Variants in GPR89B observed in about 807,000 individuals in gnomAD.
The protein encoded by GPR89B is golgi pH regulator B.
In GPR89B, 25 loss-of-function variants were observed where a neutral mutation model predicts 52.4. The ratio of observed to expected loss-of-function variants is 0.48; its 90% confidence interval spans 0.35 to 0.67. The LOEUF is 0.67. GPR89B is among the 30% of genes least tolerant of loss of function. The pLI is 0.01. For missense variants in GPR89B, 146 were observed against 450.2 expected, an observed-to-expected ratio of 0.32 and a Z score of 6.11; for synonymous variants, 52 against 151.2, an observed-to-expected ratio of 0.34 and a Z score of 4.81.
intron 9 of GPR89B, chr1:147,969,248 G>A: frequency 2.4e-6 from 1 of 421,196 alleles, no homozygotes; most frequent in Non-Finnish European, 4.2e-6. Flanking sequence ...ACTAACCTGG[G>A]ATAAAGATGG....
chr1:147,949,393 A>AC (rs587770505), intron 5 of GPR89B, among the ~76,000 whole-genome samples: 31 of 114,110 alleles, frequency 2.7e-4, no homozygotes, highest in East Asian at 5.3e-4. Context: ...CGGGGGGCTG[A>AC]CCCCCCCACC....
intron 2 of GPR89B, 30 bp downstream of exon 2, chr1:147,936,716 A>C: frequency 1.9e-6 from 3 of 1,584,204 alleles, no homozygotes; most frequent in Non-Finnish European, 2.6e-6. Context: ...TCATACTTAC[A>C]CTATATGAAT....
At chr1:147,989,351 T>C (rs1427614776) in intron 12 of GPR89B, among the ~76,000 whole-genome samples, 1 of 152,138 alleles carries the variant, frequency 6.6e-6, no homozygotes, top group Non-Finnish European at 1.5e-5. Flanking sequence ...TTGTTATACA[T>C]CATTTCACTT....
chr1:147,950,750 G>A (rs1655606440), intron 5 of GPR89B, among the ~76,000 whole-genome samples: 1 of 152,138 alleles, frequency 6.6e-6, no homozygotes, highest in Admixed American at 6.5e-5. Flanking sequence ...GGCCAACACA[G>A]TGAAACCCCG....
intron 10 of GPR89B, among the ~76,000 whole-genome samples, chr1:147,984,017 G>A (rs2149090962): frequency 6.6e-6 from 1 of 150,976 alleles, no homozygotes; most frequent in East Asian, 2.0e-4. Flanking sequence ...ATGAGTTCAT[G>A]TCCTTTGTAG....
At chr1:147,959,708 A>G (rs1173349874) in intron 7 of GPR89B, among the ~76,000 whole-genome samples, 4 of 152,174 alleles carry the variant, frequency 2.6e-5, no homozygotes, top group Non-Finnish European at 5.9e-5. Context: ...TCATCATTAA[A>G]TAATGTATTT....
chr1:147,993,518 AAG>A lies in GPR89B; in HGVS notation c.*607_*608del, dbSNP rs1282207345. 1 of 169,078 alleles carries A rather than the reference AAG, an allele frequency of 5.9e-6. No individual in the cohort carries two copies. Among genetic ancestry groups the A allele is most frequent in the Non-Finnish European group, 1.3e-5 (1 of 77,200 alleles). 10.5% of individuals were successfully genotyped at this position (169,078 alleles called of 1,614,324 possible). A position where few individuals can be genotyped will look rare whatever the true frequency, so the allele number is the denominator to read the frequency against. On this transcript the variant is annotated 3_prime_UTR_variant, in exon 14 of 14. Transcript: ENST00000314163. ...ATGCACCTGAAATAGATTTTACCAA[AAG>A]AGAGATTTCAGTTATGTCATTTTTT...
downstream of GPR89B, chr1:147,994,141 A>G (rs1469027997): frequency 9.3e-5 from 95 of 1,020,668 alleles, no homozygotes; most frequent in African/African-American, 1.4e-3. Context: ...TGTAAGACAA[A>G]TGATAACAGA....
chr1:148,021,480 T>C, the GPR89B span, among the ~76,000 whole-genome samples: 16 of 150,984 alleles, frequency 1.1e-4, no homozygotes, highest in African/African-American at 3.9e-4. Flanking sequence ...CCAGCCTGGG[T>C]GACAGAGCGA....
the GPR89B span, among the ~76,000 whole-genome samples, chr1:148,019,096 C>T: frequency 6.6e-6 from 1 of 151,688 alleles, no homozygotes; most frequent in African/African-American, 2.4e-5. Flanking sequence ...TCTGCCTCAG[C>T]CTCCCGAGTA....
chr1:147,940,545 A>G (rs1158458319), intron 3 of GPR89B, among the ~76,000 whole-genome samples: 2 of 152,176 alleles, frequency 1.3e-5, no homozygotes, highest in African/African-American at 4.8e-5. Flanking sequence ...TTTCACTGCT[A>G]TTTAAGCAGG....
chr1:147,966,213 T>C (rs1657028550), intron 7 of GPR89B, among the ~76,000 whole-genome samples: 1 of 152,042 alleles, frequency 6.6e-6, no homozygotes, highest in Non-Finnish European at 1.5e-5. Context: ...GTATAGCGCC[T>C]TGTAGTTGAC....
At chr1:148,005,704 C>T in the GPR89B span, among the ~76,000 whole-genome samples, 3 of 152,136 alleles carry the variant, frequency 2.0e-5, no homozygotes, top group South Asian at 6.2e-4. Context: ...TGCACTATAG[C>T]ATTCTTGGCT....
the GPR89B span, among the ~76,000 whole-genome samples, chr1:148,016,995 G>GGC: frequency 1.4e-5 from 2 of 144,866 alleles, no homozygotes. Flanking sequence ...TTTTGGTTTT[G>GGC]TCTTGCTTGC....
At chr1:147,939,519 G>T (rs1412360811) in intron 3 of GPR89B, among the ~76,000 whole-genome samples, 2 of 152,136 alleles carry the variant, frequency 1.3e-5, no homozygotes, top group Non-Finnish European at 2.9e-5. Context: ...TAGGAGTAAA[G>T]CAGTCTTTCA....
At chr1:147,940,133 G>C (rs1430583540) in intron 3 of GPR89B, among the ~76,000 whole-genome samples, 1 of 151,990 alleles carries the variant, frequency 6.6e-6, no homozygotes, top group East Asian at 1.9e-4. Context: ...GCCGGGCGCG[G>C]TGGCTCACGC....
the GPR89B span, among the ~76,000 whole-genome samples, chr1:148,019,045 C>T: frequency 1.9e-4 from 29 of 151,604 alleles, no homozygotes; most frequent in Non-Finnish European, 3.7e-4. Context: ...GGCCAGATCT[C>T]GGCTCACTGC....
chr1:147,998,386 C>T (rs1194744484), downstream of GPR89B, among the ~76,000 whole-genome samples: 4 of 142,920 alleles, frequency 2.8e-5, no homozygotes, highest in Admixed American at 2.9e-4. Flanking sequence ...CTCCTAGTTA[C>T]CCAGTTCAAC....
intron 12 of GPR89B, among the ~76,000 whole-genome samples, chr1:147,991,727 C>A (rs1340740623): frequency 3.9e-5 from 6 of 152,098 alleles, no homozygotes; most frequent in Non-Finnish European, 7.4e-5. Flanking sequence ...GTCTTTGGTT[C>A]TGTTTATATG....
Sources: gnomAD v4.1 joint callset for allele counts (sites outside exome capture counted in the v4.1 genomes callset) on GRCh38, gnomAD v4.1.1 for gene constraint, MANE v1.5 for transcripts, NCBI Gene and HGNC (gene_info 2026-07-23, HGNC 2026-07-21) for gene names.